The following PCDH15 variants were observed in gnomAD, a reference collection of about 807,000 sequenced individuals.
PCDH15 encodes protocadherin-15.
PCDH15 carries 129 observed loss-of-function variants against 178.5 expected under a neutral mutation model. The observed-to-expected ratio is 0.72, with a 90% confidence interval of 0.63 to 0.84. The LOEUF is 0.84. Among genes scored for constraint, PCDH15 ranks in the 40% least tolerant of loss-of-function variants. PCDH15 has a pLI of 0.00. For missense variants in PCDH15, 2,230 were observed against 2,099.9 expected, an observed-to-expected ratio of 1.06 and a Z score of -1.21; for synonymous variants, 800 against 732.0, an observed-to-expected ratio of 1.09 and a Z score of -1.50.
intron 2 of PCDH15, among the ~76,000 whole-genome samples, chr10:55,038,388 T>C (rs370646311): frequency 6.6e-6 from 1 of 152,184 alleles, no homozygotes; most frequent in East Asian, 1.9e-4. Context: ...TATTTTGATT[T>C]AAAATGCAAT....
rs1405925990 is a variant in PCDH15 at position 55,555,080 on chromosome 10, T to C, written c.-156+72545A>G. ...CATAATTAATAAAGTAATTTTCTGTTTTGAAGACATTTTAAAATGATACAT... is the reference window on the plus strand; with the variant it reads ...CATAATTAATAAAGTAATTTTCTGTCTTGAAGACATTTTAAAATGATACAT... On this transcript the variant is annotated intron_variant, in intron 2 of 5. Transcript: ENST00000613346. 7.2e-5 allele frequency among the ~76,000 whole-genome samples: 11 copies of C among 152,212 alleles called. No homozygotes were observed. The East Asian group carries it at 1.5e-3, about 21-fold the overall frequency.
At chr10:55,022,113 T>A (rs1186290737) in intron 2 of PCDH15, among the ~76,000 whole-genome samples, 1 of 152,118 alleles carries the variant, frequency 6.6e-6, no homozygotes, top group Admixed American at 6.6e-5. Flanking sequence ...TCAAAATATC[T>A]ATTTTACAGC....
chr10:55,101,846 T>G (rs557200133), intron 2 of PCDH15, among the ~76,000 whole-genome samples: 2 of 151,750 alleles, frequency 1.3e-5, no homozygotes, highest in African/African-American at 4.8e-5. Context: ...TCATCATCTT[T>G]GAAGTAGATC....
intron 2 of PCDH15, among the ~76,000 whole-genome samples, chr10:54,919,865 A>G (rs1315104000): frequency 6.6e-6 from 1 of 151,904 alleles, no homozygotes; most frequent in Non-Finnish European, 1.5e-5. Flanking sequence ...GATACCACTG[A>G]AATGCTCATA....
intron 2 of PCDH15, among the ~76,000 whole-genome samples, chr10:55,469,637 T>C (rs922628651): frequency 3.3e-5 from 5 of 152,004 alleles, no homozygotes; most frequent in Non-Finnish European, 5.9e-5. Context: ...ATTAATGCTG[T>C]GAATGTTATC....
intron 2 of PCDH15, among the ~76,000 whole-genome samples, chr10:54,913,321 T>C (rs1234739568): frequency 6.6e-6 from 1 of 152,134 alleles, no homozygotes; most frequent in African/African-American, 2.4e-5. Context: ...CATAGCACCC[T>C]GCATCGCAGC....
intron 21 of PCDH15, 188 bp downstream of exon 21, chr10:53,995,461 G>A (rs1241086445): frequency 1.2e-5 from 12 of 1,009,646 alleles, no homozygotes; most frequent in Non-Finnish European, 1.6e-5. Context: ...CTTTGTCTAG[G>A]TTCAATAATA....
At chr10:54,621,603 A>G (rs2093349552) in intron 2 of PCDH15, among the ~76,000 whole-genome samples, 1 of 152,044 alleles carries the variant, frequency 6.6e-6, no homozygotes, top group Non-Finnish European at 1.5e-5. Flanking sequence ...TATTTTTCTC[A>G]TTGTTTTAAT....
rs367881384 is a variant in PCDH15 at position 53,822,329 on chromosome 10, G to A, written c.4368-2099C>T. 1.6e-4 allele frequency: 250 copies of A among 1,597,518 alleles called. No homozygotes were observed. The highest frequency in any genetic ancestry group is 1.8e-4 in the Non-Finnish European group (216 of 1,170,822). On this transcript the variant is annotated intron_variant, in intron 32 of 37. Coordinates refer to ENST00000644397, the MANE Select transcript of PCDH15 (RefSeq NM_001384140.1). ...GTGTTGGGGGACCAGACGTTGAAAC[G>A]GAAAGTGGAAAAAATGTAGGAGGAG...
At chr10:55,417,655 A>G (rs562224320) in intron 2 of PCDH15, among the ~76,000 whole-genome samples, 2 of 151,776 alleles carry the variant, frequency 1.3e-5, no homozygotes, top group African/African-American at 4.8e-5. Context: ...AAATATCAAA[A>G]TATAGGGTAG....
chr10:54,585,614 G>GT lies in PCDH15; in HGVS notation c.92-57738dup, dbSNP rs71901521. On this transcript the variant is annotated intron_variant, in intron 2 of 37. Transcript: ENST00000644397. ...ATCATCAGTCCTCCTAGCAATATGT[G>GT]TTTTTTTTTTTTTTAATTTAAGACT... 578 of 79,556 alleles carry GT rather than the reference G, an allele frequency of 7.3e-3. 3 individuals carry two copies. Among genetic ancestry groups the GT allele is most frequent in the African/African-American group, 0.022 (423 of 19,342 alleles). 4.9% of individuals were successfully genotyped at this position (79,556 alleles called of 1,614,324 possible).
At chr10:54,967,511 T>C (rs1402911328) in intron 2 of PCDH15, among the ~76,000 whole-genome samples, 1 of 152,222 alleles carries the variant, frequency 6.6e-6, no homozygotes, top group Non-Finnish European at 1.5e-5. Flanking sequence ...TTTTGGCTTC[T>C]TTCACTTAAC....
At chr10:53,897,487 A>G (rs542851341) in intron 26 of PCDH15, among the ~76,000 whole-genome samples, 1 of 152,246 alleles carries the variant, frequency 6.6e-6, no homozygotes, top group South Asian at 2.1e-4. Context: ...TTCTTTCAAT[A>G]AAAGTGATGC....
rs536985180 is a variant in PCDH15, at chr10:54,116,895, TA to T, written c.1917+15979del. 2.6e-3 allele frequency among the ~76,000 whole-genome samples: 401 copies of T among 152,294 alleles called. 1 individual carries two copies. Among genetic ancestry groups the T allele is most frequent in the Non-Finnish European group, 4.3e-3 (290 of 68,018 alleles). ...TAGTAATTCATTTAAATGCACCCTT[TA>T]TAACAGAAACTTTAAGAAGCACTGA... On this transcript the variant is annotated intron_variant, in intron 15 of 37. Coordinates refer to ENST00000644397, the MANE Select transcript of PCDH15 (RefSeq NM_001384140.1).
chr10:53,925,895 C>A (rs947548102), intron 25 of PCDH15, among the ~76,000 whole-genome samples: 1 of 152,136 alleles, frequency 6.6e-6, no homozygotes, highest in Non-Finnish European at 1.5e-5. Context: ...GTGAGACTAG[C>A]GACGCTTGGC....
chr10:55,357,865 T>C (rs1005504404), intron 2 of PCDH15, among the ~76,000 whole-genome samples: 1 of 152,022 alleles, frequency 6.6e-6, no homozygotes, highest in African/African-American at 2.4e-5. Flanking sequence ...TTTCAGTGTT[T>C]CCCAAAGATA....
At chr10:54,992,716 C>A (rs1423093935) in intron 2 of PCDH15, among the ~76,000 whole-genome samples, 3 of 151,038 alleles carry the variant, frequency 2.0e-5, no homozygotes, top group Admixed American at 2.0e-4. Context: ...GATCAGGCCA[C>A]TGCACTCCAG....
rs142304113 is a variant in PCDH15, at chr10:54,288,167, C to T, written c.876+29104G>A. On this transcript the variant is annotated intron_variant, in intron 8 of 37. Transcript: ENST00000644397. ...TGAAACCCCATCTCTACCAAAAACA[C>T]AAAAATTAGCCAGGCATGGTGGAGT... Among the ~76,000 whole-genome samples the T allele has an allele frequency of 2.0e-3, 300 of 151,998 alleles. 1 individual carries two copies. The highest frequency in any genetic ancestry group is 6.4e-3 in the African/African-American group (267 of 41,450).
intron 3 of PCDH15, among the ~76,000 whole-genome samples, chr10:54,509,424 C>G (rs1322015238): frequency 6.6e-6 from 1 of 152,082 alleles, no homozygotes; most frequent in Non-Finnish European, 1.5e-5. Context: ...GATTGTGAGG[C>G]CTCCCCAGCT....
Sources: allele counts gnomAD v4.1 joint callset (sites outside exome capture counted in the v4.1 genomes callset), GRCh38; gene constraint gnomAD v4.1.1; transcripts MANE v1.5; gene names NCBI Gene and HGNC (gene_info 2026-07-23, HGNC 2026-07-21).